Variants in PRKG1 observed in about 807,000 individuals in gnomAD.
PRKG1 encodes the protein cGMP-dependent protein kinase 1.
In PRKG1, 35 loss-of-function variants were observed where a neutral mutation model predicts 88.1. The observed-to-expected ratio is 0.40, with a 90% confidence interval of 0.30 to 0.53. The LOEUF (loss-of-function observed/expected upper bound fraction) is 0.53, where lower values mean the gene tolerates loss of function less well. PRKG1 is among the 20% of genes least tolerant of loss of function. The pLI, the probability that PRKG1 is intolerant of heterozygous loss-of-function variation, is 0.59. For synonymous variants in PRKG1, 303 were observed against 292.5 expected (o/e 1.04, Z -0.37); for missense variants, 540 against 839.8 (o/e 0.64, Z 4.41).
rs116192291 is a variant in PRKG1, at chr10:51,688,830, G to T, written c.593-115755G>T. ...AAAAATAGTACAATTGGTATAAACT[G>T]GTTTACCATCTGATATGGTTTGGCT... is the stretch of plus-strand genomic sequence containing the variant. On this transcript the variant is annotated intron_variant, in intron 3 of 17. Coordinates refer to ENST00000373980, the MANE Select transcript of PRKG1 (RefSeq NM_006258.4). Among the ~76,000 whole-genome samples the T allele has an allele frequency of 3.6e-3, 543 of 152,150 alleles. 3 individuals are homozygous for T. The highest frequency in any genetic ancestry group is 0.017 in the Middle Eastern group (5 of 292).
chr10:51,620,656 T>C (rs1291095618), intron 3 of PRKG1, among the ~76,000 whole-genome samples: 1 of 152,092 alleles, frequency 6.6e-6, no homozygotes, highest in African/African-American at 2.4e-5. Flanking sequence ...TGTTTCTACT[T>C]ATTAATTACT....
intron 1 of PRKG1, among the ~76,000 whole-genome samples, chr10:51,033,100 C>T (rs1013769958): frequency 1.3e-5 from 2 of 152,064 alleles, no homozygotes; most frequent in African/African-American, 4.8e-5. Flanking sequence ...AATGCTCATC[C>T]TTCTCAAAGC....
At chr10:51,699,565 G>C (rs561264758) in intron 3 of PRKG1, 1 of 1,599,086 alleles carries the variant, frequency 6.3e-7, no homozygotes, top group South Asian at 1.1e-5. Context: ...CGGTTGTGCA[G>C]ACAGCCGATA....
intron 7 of PRKG1, among the ~76,000 whole-genome samples, chr10:52,067,092 G>A (rs1322401558): frequency 6.6e-6 from 1 of 151,892 alleles, no homozygotes; most frequent in Admixed American, 6.6e-5. Flanking sequence ...TGTTTCACTT[G>A]TTTCCTTCTA....
At chr10:51,578,662 A>C (rs1436789841) in intron 3 of PRKG1, among the ~76,000 whole-genome samples, 1 of 152,132 alleles carries the variant, frequency 6.6e-6, no homozygotes, top group Non-Finnish European at 1.5e-5. Flanking sequence ...TCAGCAATAA[A>C]TCTTCTATTT....
intron 4 of PRKG1, among the ~76,000 whole-genome samples, chr10:51,886,516 T>A (rs76737150): frequency 6.6e-6 from 1 of 152,218 alleles, no homozygotes; most frequent in African/African-American, 2.4e-5. Flanking sequence ...CCTGCTAATG[T>A]TGGATAAACA....
intron 2 of PRKG1, among the ~76,000 whole-genome samples, chr10:51,319,101 T>C (rs1345289798): frequency 6.6e-6 from 1 of 152,240 alleles, no homozygotes; most frequent in Non-Finnish European, 1.5e-5. Context: ...CTGTGAATTC[T>C]GAATTCTCTT....
chr10:51,239,949 A>G (rs1387137109), intron 2 of PRKG1, among the ~76,000 whole-genome samples: 2 of 152,350 alleles, frequency 1.3e-5, no homozygotes, highest in South Asian at 4.1e-4. Context: ...GCATATAGCA[A>G]CTTCCAATAA....
intron 3 of PRKG1, among the ~76,000 whole-genome samples, chr10:51,797,976 T>C (rs1277806986): frequency 6.6e-6 from 1 of 152,046 alleles, no homozygotes; most frequent in Non-Finnish European, 1.5e-5. Context: ...CATATGAGAA[T>C]TTCATTCTTT....
chr10:51,719,480 A>T (rs1256994836), intron 3 of PRKG1, among the ~76,000 whole-genome samples: 1 of 152,224 alleles, frequency 6.6e-6, no homozygotes, highest in Non-Finnish European at 1.5e-5. Context: ...CAAAATACCT[A>T]ATTAATGTTC....
At chr10:51,565,221 C>G (rs1418473260) in intron 3 of PRKG1, among the ~76,000 whole-genome samples, 1 of 150,018 alleles carries the variant, frequency 6.7e-6, no homozygotes, top group Non-Finnish European at 1.5e-5. Flanking sequence ...CCCTAAAACC[C>G]TAAAGGATTC....
chr10:51,920,490 A>G (rs954386976), intron 5 of PRKG1, among the ~76,000 whole-genome samples: 2 of 152,118 alleles, frequency 1.3e-5, no homozygotes, highest in East Asian at 1.9e-4. Context: ...TACAGTGTTC[A>G]TGTCTTCTCT....
chr10:51,811,945 G>T (rs1839467907), intron 4 of PRKG1, among the ~76,000 whole-genome samples: 1 of 152,132 alleles, frequency 6.6e-6, no homozygotes, highest in Non-Finnish European at 1.5e-5. Context: ...GACATAAGAT[G>T]AAAGTACAAA....
chr10:51,597,706 G>C (rs562481836), intron 3 of PRKG1, among the ~76,000 whole-genome samples: 7 of 152,094 alleles, frequency 4.6e-5, no homozygotes, highest in African/African-American at 1.7e-4. Flanking sequence ...TTGGATGCAC[G>C]AGAAGGTATG....
intron 3 of PRKG1, among the ~76,000 whole-genome samples, chr10:51,577,868 C>G (rs368712391): frequency 1.3e-5 from 2 of 152,024 alleles, no homozygotes; most frequent in African/African-American, 2.4e-5. Context: ...TCCGTGCTTC[C>G]TGGAATATTG....
rs538934697 is a variant in PRKG1 at position 52,129,352 on chromosome 10, T to C, written c.936-4488T>C. 2.6e-5 allele frequency among the ~76,000 whole-genome samples: 4 copies of C among 152,314 alleles called. No individual in the cohort carries two copies. The East Asian group carries it at 7.7e-4, about 29-fold the overall frequency. Reference sequence around the variant, plus strand: ...CTTGGACCCATAAAAGATATAAACATACATAGTAAATCACAGTGTTGTCAG... The same window carrying C: ...CTTGGACCCATAAAAGATATAAACACACATAGTAAATCACAGTGTTGTCAG... On this transcript the variant is annotated intron_variant, in intron 7 of 17. Coordinates refer to ENST00000373980, the MANE Select transcript of PRKG1 (RefSeq NM_006258.4).
chr10:51,981,806 C>T (rs192966903), intron 5 of PRKG1, among the ~76,000 whole-genome samples: 2 of 152,058 alleles, frequency 1.3e-5, no homozygotes, highest in East Asian at 1.9e-4. Flanking sequence ...ATGATCTTCT[C>T]GTGAAGTATT....
At chr10:51,382,977 C>T (rs1837148755) in intron 2 of PRKG1, among the ~76,000 whole-genome samples, 1 of 152,062 alleles carries the variant, frequency 6.6e-6, no homozygotes, top group African/African-American at 2.4e-5. Flanking sequence ...ACCAAACACC[C>T]TCTCTAGGGA....
chr10:51,929,346 CTTTT>C (rs67175480), intron 5 of PRKG1, among the ~76,000 whole-genome samples: 2 of 109,668 alleles, frequency 1.8e-5, no homozygotes, highest in African/African-American at 3.4e-5. Context: ...GAATTCCTTC[CTTTT>C]TTTTTTTTTT....
Sources: allele counts gnomAD v4.1 joint callset (sites outside exome capture counted in the v4.1 genomes callset), GRCh38; gene constraint gnomAD v4.1.1; transcripts MANE v1.5; gene names NCBI Gene and HGNC (gene_info 2026-07-23, HGNC 2026-07-21).